Variants in DLG2 observed in about 807,000 individuals in gnomAD.
DLG2 encodes discs large MAGUK scaffold protein 2.
DLG2 carries 45 observed loss-of-function variants against 132.5 expected under a neutral mutation model. That is an observed-to-expected ratio of 0.34 (90% CI 0.27 to 0.44). The LOEUF (loss-of-function observed/expected upper bound fraction) is 0.44, where lower values mean the gene tolerates loss of function less well. Among genes scored for constraint, DLG2 ranks in the 20% least tolerant of loss-of-function variants. The pLI is 1.00. For synonymous variants in DLG2, 424 were observed against 419.6 expected (o/e 1.01, Z -0.13); for missense variants, 1,045 against 1,196.9 (o/e 0.87, Z 1.87).
intron 3 of DLG2, among the ~76,000 whole-genome samples, chr11:85,424,663 G>A (rs966429084): frequency 6.6e-6 from 1 of 152,192 alleles, no homozygotes; most frequent in Non-Finnish European, 1.5e-5. Context: ...GAAGCACTAG[G>A]TATTATTAAC....
chr11:85,195,776 T>A (rs1404070880), intron 4 of DLG2, among the ~76,000 whole-genome samples: 1 of 152,102 alleles, frequency 6.6e-6, no homozygotes, highest in Non-Finnish European at 1.5e-5. Flanking sequence ...TCCGCCCGCC[T>A]CGGCCTCCCA....
At chr11:84,537,850 C>T (rs1424774253) in intron 6 of DLG2, among the ~76,000 whole-genome samples, 1 of 152,194 alleles carries the variant, frequency 6.6e-6, no homozygotes, top group Non-Finnish European at 1.5e-5. Context: ...ATAGATATCA[C>T]TTGCTTAAGC....
intron 7 of DLG2, among the ~76,000 whole-genome samples, chr11:84,309,064 A>G (rs559535857): frequency 5.3e-5 from 8 of 152,272 alleles, no homozygotes; most frequent in African/African-American, 1.9e-4. Flanking sequence ...AGAGCAAGCA[A>G]GGGCTGCGAG....
chr11:83,752,635 A>T (rs1403090994), intron 18 of DLG2, among the ~76,000 whole-genome samples: 1 of 152,242 alleles, frequency 6.6e-6, no homozygotes, highest in Non-Finnish European at 1.5e-5. Flanking sequence ...TATAAAGCAC[A>T]CTTTTCCAAT....
chr11:85,431,627 A>G (rs1461199477), intron 3 of DLG2, among the ~76,000 whole-genome samples: 1 of 152,220 alleles, frequency 6.6e-6, no homozygotes, highest in Admixed American at 6.5e-5. Context: ...TTCAGGGCCA[A>G]CAACTCCAAC....
chr11:84,334,801 AG>A (rs1396403621), intron 7 of DLG2, among the ~76,000 whole-genome samples: 1 of 152,176 alleles, frequency 6.6e-6, no homozygotes. Context: ...CATGAATAAA[AG>A]GGAAGTGTTA....
At chr11:84,139,688 GGTAA>G (rs2094758433) in intron 9 of DLG2, among the ~76,000 whole-genome samples, 1 of 152,072 alleles carries the variant, frequency 6.6e-6, no homozygotes. Context: ...TCACAAAGCA[GGTAA>G]GTGTTAAAGC....
chr11:84,578,106 C>G (rs1358291456), intron 6 of DLG2, among the ~76,000 whole-genome samples: 6 of 152,174 alleles, frequency 3.9e-5, no homozygotes, highest in African/African-American at 1.4e-4. Context: ...GAACCTCAAC[C>G]TAGATTTCAG....
chr11:83,823,813 C>T (rs966270920), intron 17 of DLG2, among the ~76,000 whole-genome samples: 2 of 152,142 alleles, frequency 1.3e-5, no homozygotes, highest in African/African-American at 4.8e-5. Flanking sequence ...ATCTTACAGC[C>T]TTCGTATACA....
At chr11:85,177,259 G>GTATT (rs200946130) in intron 4 of DLG2, among the ~76,000 whole-genome samples, 1,701 of 132,850 alleles carry the variant, frequency 0.013, 21 homozygotes, top group Admixed American at 0.033. Flanking sequence ...GTATGTATAT[G>GTATT]TATTTATATA....
chr11:85,264,158 T>C (rs1364086494), intron 4 of DLG2, among the ~76,000 whole-genome samples: 2 of 152,142 alleles, frequency 1.3e-5, no homozygotes, highest in African/African-American at 2.4e-5. Context: ...TTGTTGATTG[T>C]TTATCTTATT....
In DLG2 at chr11:84,446,018, T is replaced by G. The variant is rs551276776; in HGVS notation, c.519+88552A>C. ...CTCTTAAATTCTGTTATGTTTTTTC[T>G]GGACCATTTTATTCTACCCGTACTA... On this transcript the variant is annotated intron_variant, in intron 7 of 27. Coordinates refer to ENST00000376104, the MANE Select transcript of DLG2 (RefSeq NM_001142699.3). 1.3e-3 allele frequency among the ~76,000 whole-genome samples: 192 copies of G among 152,016 alleles called. 1 individual carries two copies. In the Middle Eastern group the frequency reaches 0.017, roughly 13 times the overall value.
chr11:85,437,551 G>T (rs2091554955), intron 3 of DLG2, among the ~76,000 whole-genome samples: 1 of 152,130 alleles, frequency 6.6e-6, no homozygotes, highest in Non-Finnish European at 1.5e-5. Flanking sequence ...CTTGTCCTCA[G>T]TGACCTAGTA....
At chr11:85,031,982 A>C (rs1219223626) in intron 6 of DLG2, among the ~76,000 whole-genome samples, 2 of 62,528 alleles carry the variant, frequency 3.2e-5, no homozygotes, top group Non-Finnish European at 5.8e-5. Flanking sequence ...TTGTATTTTC[A>C]GTAGAGGTGG....
At chr11:84,068,047 G>A (rs922869648) in intron 10 of DLG2, among the ~76,000 whole-genome samples, 2 of 152,090 alleles carry the variant, frequency 1.3e-5, no homozygotes, top group East Asian at 1.9e-4. Flanking sequence ...GAGACTCAGA[G>A]GTTCTATGTG....
intron 3 of DLG2, among the ~76,000 whole-genome samples, chr11:85,574,386 C>T (rs2153226055): frequency 6.6e-6 from 1 of 151,102 alleles, no homozygotes. Flanking sequence ...ACTTCTCCAT[C>T]TCTGAAAATA....
At chr11:84,593,159 G>A (rs1408217539) in intron 6 of DLG2, among the ~76,000 whole-genome samples, 2 of 151,540 alleles carry the variant, frequency 1.3e-5, no homozygotes, top group African/African-American at 4.8e-5. Context: ...ATGCTGGAGA[G>A]GATGTGGAGA....
rs12576670 is a variant in DLG2 at position 84,100,317 on chromosome 11, A to C, written c.625-1270T>G. 1.2e-3 allele frequency among the ~76,000 whole-genome samples: 166 copies of C among 141,892 alleles called. 5 individuals are homozygous for C. The East Asian group carries it at 0.034, about 29-fold the overall frequency. 93.1% of individuals were successfully genotyped at this position (141,892 alleles called of 152,430 possible). On this transcript the variant is annotated intron_variant, in intron 9 of 27. Transcript: ENST00000376104. ...AGATATATATATAAAGGATATATATATCTCTCTCTCTAAAGGATATATATA... is the reference window on the plus strand; with the variant it reads ...AGATATATATATAAAGGATATATATCTCTCTCTCTCTAAAGGATATATATA...
intron 2 of DLG2, among the ~76,000 whole-genome samples, chr11:85,625,644 C>T (rs2081991455): frequency 6.6e-6 from 1 of 152,172 alleles, no homozygotes; most frequent in African/African-American, 2.4e-5. Flanking sequence ...CTTTAACCTG[C>T]AATTCACCCA....
Sources: gnomAD v4.1 joint callset for allele counts (sites outside exome capture counted in the v4.1 genomes callset) on GRCh38, gnomAD v4.1.1 for gene constraint, MANE v1.5 for transcripts, NCBI Gene and HGNC (gene_info 2026-07-23, HGNC 2026-07-21) for gene names.